The following IQCK variants were observed in gnomAD, a reference collection of about 807,000 sequenced individuals.
IQCK encodes the protein IQ domain-containing protein K.
In IQCK, 29 loss-of-function variants were observed where a neutral mutation model predicts 28.1. That is an observed-to-expected ratio of 1.03 (90% CI 0.77 to 1.41). IQCK has a LOEUF of 1.41. Ranked by LOEUF, IQCK falls within the 40% of genes most tolerant of loss-of-function variation. The probability of loss-of-function intolerance (pLI) is 0.00; values close to 1 mark genes in which losing one functional copy is unlikely to be tolerated. For synonymous variants in IQCK, 113 were observed against 115.1 expected (o/e 0.98, Z 0.12); for missense variants, 359 against 314.7 (o/e 1.14, Z -1.07).
At chr16:19,778,561 G>C (rs2055429961) in intron 6 of IQCK, among the ~76,000 whole-genome samples, 1 of 152,044 alleles carries the variant, frequency 6.6e-6, no homozygotes, top group African/African-American at 2.4e-5. Flanking sequence ...AGAGGCCGAG[G>C]GGAGAGTATC....
At chr16:19,813,403 A>C (rs1465259651) in intron 7 of IQCK, among the ~76,000 whole-genome samples, 1 of 152,184 alleles carries the variant, frequency 6.6e-6, no homozygotes, top group African/African-American at 2.4e-5. Flanking sequence ...TATGCAAAGA[A>C]GAAGCCAGCA....
intron 9 of IQCK, 124 bp from the exon 9 acceptor site, chr16:19,856,363 A>G (rs1361058998): frequency 9.9e-6 from 7 of 703,664 alleles, no homozygotes; most frequent in African/African-American, 1.8e-5. Context: ...AACCATGAAT[A>G]GCAGGCGCAC....
intron 4 of IQCK, among the ~76,000 whole-genome samples, chr16:19,748,065 T>C (rs1320270614): frequency 7.0e-6 from 1 of 143,280 alleles, no homozygotes; most frequent in Non-Finnish European, 1.5e-5. Flanking sequence ...CCATCTGGGC[T>C]CAAATTCTTT....
At chr16:19,770,531 C>A (rs548302691) in intron 6 of IQCK, among the ~76,000 whole-genome samples, 2 of 151,690 alleles carry the variant, frequency 1.3e-5, no homozygotes, top group South Asian at 4.2e-4. Flanking sequence ...TGCCTGCATT[C>A]CTTGGCTAGT....
intron 9 of IQCK, among the ~76,000 whole-genome samples, chr16:19,838,530 A>C (rs1251520142): frequency 3.3e-5 from 5 of 152,120 alleles, no homozygotes; most frequent in African/African-American, 1.2e-4. Flanking sequence ...CCGGGAGGGC[A>C]ATGGGAAATT....
At chr16:19,776,685 G>C (rs549964407) in intron 6 of IQCK, among the ~76,000 whole-genome samples, 1 of 152,216 alleles carries the variant, frequency 6.6e-6, no homozygotes, top group Admixed American at 6.5e-5. Context: ...CTCCAGCCTG[G>C]GTGATAGAGC....
At chr16:19,826,538 C>T (rs1221304987) in intron 7 of IQCK, among the ~76,000 whole-genome samples, 3 of 152,096 alleles carry the variant, frequency 2.0e-5, no homozygotes, top group Non-Finnish European at 4.4e-5. Context: ...CCACCGCACT[C>T]AGCTAATTTT....
chr16:19,756,139 G>T (rs576892100), intron 4 of IQCK, among the ~76,000 whole-genome samples: 1 of 152,176 alleles, frequency 6.6e-6, no homozygotes, highest in Admixed American at 6.5e-5. Flanking sequence ...AGCCTTGATT[G>T]TGCCACTGCA....
intron 1 of IQCK, among the ~76,000 whole-genome samples, chr16:19,722,717 T>G (rs1392623552): frequency 6.6e-6 from 1 of 152,064 alleles, no homozygotes; most frequent in Non-Finnish European, 1.5e-5. Context: ...CCAGCTTTTT[T>G]TTTTTTTTCC....
At chr16:19,820,167 C>T (rs1405210075) in intron 7 of IQCK, among the ~76,000 whole-genome samples, 4 of 151,710 alleles carry the variant, frequency 2.6e-5, no homozygotes, top group African/African-American at 7.3e-5. Flanking sequence ...TTAGATTTGG[C>T]AATAATTTTT....
chr16:19,738,182 G>A (rs879808162), intron 4 of IQCK, among the ~76,000 whole-genome samples: 1 of 152,184 alleles, frequency 6.6e-6, no homozygotes, highest in African/African-American at 2.4e-5. Flanking sequence ...TGAACATAGA[G>A]TTGGCCCTTG....
intron 6 of IQCK, among the ~76,000 whole-genome samples, chr16:19,771,158 C>G (rs956067601): frequency 2.6e-5 from 4 of 152,180 alleles, no homozygotes; most frequent in African/African-American, 9.7e-5. Flanking sequence ...GTGGCACAAT[C>G]ACAGCTCACT....
chr16:19,786,305 G>A (rs2055560896), intron 6 of IQCK, among the ~76,000 whole-genome samples: 1 of 152,030 alleles, frequency 6.6e-6, no homozygotes, highest in Admixed American at 6.6e-5. Context: ...TGTAATTCCA[G>A]TGCTTTGGGA....
At chr16:19,738,492 G>A (rs1306553776) in intron 4 of IQCK, among the ~76,000 whole-genome samples, 1 of 152,132 alleles carries the variant, frequency 6.6e-6, no homozygotes, top group African/African-American at 2.4e-5. Context: ...AGCAACACTT[G>A]AGTCAAAGTT....
intron 6 of IQCK, among the ~76,000 whole-genome samples, chr16:19,765,398 C>T (rs1375813501): frequency 2.6e-5 from 4 of 151,820 alleles, no homozygotes; most frequent in African/African-American, 9.7e-5. Context: ...ATTAGCTGGG[C>T]ACGGTGGCAC....
chr16:19,824,150 A>C (rs1274930597), intron 7 of IQCK, among the ~76,000 whole-genome samples: 2 of 152,172 alleles, frequency 1.3e-5, no homozygotes, highest in African/African-American at 4.8e-5. Context: ...ATAATTATAC[A>C]ACTCACCATC....
chr16:19,725,980 A>C (rs1350230222), intron 1 of IQCK, among the ~76,000 whole-genome samples: 2 of 148,026 alleles, frequency 1.4e-5, no homozygotes, highest in East Asian at 4.0e-4. Flanking sequence ...CAGCGGCTCG[A>C]TCTCTGCTCA....
chr16:19,771,475 A>G (rs2055320580), intron 6 of IQCK, among the ~76,000 whole-genome samples: 2 of 152,230 alleles, frequency 1.3e-5, no homozygotes. Context: ...GGAGAAATTT[A>G]AAGTCCCTTT....
chr16:19,828,437 C>T (rs1343460794), downstream of IQCK, among the ~76,000 whole-genome samples: 2 of 148,884 alleles, frequency 1.3e-5, no homozygotes, highest in African/African-American at 4.9e-5. Context: ...TGTCACCATA[C>T]ATATCGGCCA....
Sources: allele counts gnomAD v4.1 joint callset (sites outside exome capture counted in the v4.1 genomes callset), GRCh38; gene constraint gnomAD v4.1.1; transcripts MANE v1.5; gene names NCBI Gene and HGNC (gene_info 2026-07-23, HGNC 2026-07-21).